WDR55: variants seen among roughly 807,000 people sequenced by gnomAD.
WDR55 encodes the protein WD repeat-containing protein 55.
WDR55 carries 31 observed loss-of-function variants against 34.0 expected under a neutral mutation model. The ratio of observed to expected loss-of-function variants is 0.91; its 90% CI spans 0.69 to 1.23. The LOEUF (loss-of-function observed/expected upper bound fraction) is 1.23. Among genes scored for constraint, WDR55 ranks in the 50% most tolerant of loss-of-function variants. The pLI is 0.00. For synonymous variants in WDR55, 164 were observed against 185.9 expected (o/e 0.88, Z 0.96); for missense variants, 440 against 494.6 (o/e 0.89, Z 1.05).
chr5:140,666,622 T>C lies in WDR55; in HGVS notation c.191+1519T>C, dbSNP rs1038305825. On this transcript the variant is annotated intron_variant, in intron 1 of 6. Coordinates refer to ENST00000358337, the MANE Select transcript of WDR55 (RefSeq NM_017706.5). ...GTAACCATATGTCCATTTGTGTAATTATTTGAATGCTGTCTCCTTCACTAA... is the reference window on the plus strand; with the variant it reads ...GTAACCATATGTCCATTTGTGTAATCATTTGAATGCTGTCTCCTTCACTAA... The C allele has an allele frequency of 3.0e-6, 3 of 985,084 alleles. No homozygotes were observed. In the African/African-American group the frequency reaches 5.2e-5, roughly 17 times the overall value. The allele number at this position is 985,084 out of a possible 1,614,324, so 61.0% of individuals were successfully genotyped here. A position where few individuals can be genotyped will look rare whatever the true frequency, so the allele number is the denominator to read the frequency against.
chr5:140,672,033 C>G lies in WDR55; in HGVS notation c.*2379C>G, dbSNP rs946575763. On this transcript the variant is annotated 3_prime_UTR_variant, in exon 7 of 7. Coordinates refer to ENST00000358337, the MANE Select transcript of WDR55 (RefSeq NM_017706.5). ...GGCTAATCTTTACTGGGAAAACTTG[C>G]TGTAAGTCAGTCAGTGTGCTAAGTA... 1.0e-5 allele frequency: 6 copies of G among 576,352 alleles called. No homozygotes were observed. The highest frequency in any genetic ancestry group is 1.9e-5 in the Non-Finnish European group (6 of 323,162). 35.7% of individuals were successfully genotyped at this position (576,352 alleles called of 1,614,324 possible). A position where few individuals can be genotyped will look rare whatever the true frequency, so the allele number is the denominator to read the frequency against.
chr5:140,672,231 T>TA lies in WDR55; in HGVS notation c.*2579dup, dbSNP rs1334266942. On this transcript the variant is annotated 3_prime_UTR_variant, in exon 7 of 7. Transcript: ENST00000358337. ...GTGGGGGTGGGGGAAGGTTGAGAAT[T>TA]AAGTCAGGAGGTAATGCTCGGGAAG... 4 of 604,428 alleles carry TA rather than the reference T, an allele frequency of 6.6e-6. No individual in the cohort carries two copies. The highest frequency in any genetic ancestry group is 1.2e-5 in the Non-Finnish European group (4 of 344,932). 37.4% of individuals were successfully genotyped at this position (604,428 alleles called of 1,614,324 possible). A position where few individuals can be genotyped will look rare whatever the true frequency, so the allele number is the denominator to read the frequency against.
rs940676482 is a variant in WDR55, at chr5:140,669,992, G to C, written c.*338G>C. On this transcript the variant is annotated 3_prime_UTR_variant, in exon 7 of 7. Coordinates refer to ENST00000358337, the MANE Select transcript of WDR55 (RefSeq NM_017706.5). ...GATCCACCTGCCTCTGCTTCCCAAA[G>C]TGCTGGGATTACAGGCACGAGCCAC... 7 of 222,418 alleles carry C rather than the reference G, an allele frequency of 3.1e-5. No individual in the cohort carries two copies. Among genetic ancestry groups the C allele is most frequent in the Non-Finnish European group, 5.4e-5 (6 of 111,362 alleles). 13.8% of individuals were successfully genotyped at this position (222,418 alleles called of 1,614,324 possible).
rs1758056244 is a variant in WDR55, at chr5:140,670,887, C to G, written c.*1233C>G. ...AAACCAGAATGCCATGTGGTGGAGG[C>G]AAAGGGCAGAATTTCTGACCCCTTT... On this transcript the variant is annotated 3_prime_UTR_variant, in exon 7 of 7. Coordinates refer to ENST00000358337, the MANE Select transcript of WDR55 (RefSeq NM_017706.5). 3.8e-6 allele frequency: 1 copy of G among 266,314 alleles called. No homozygotes were observed. The allele number at this position is 266,314 out of a possible 1,614,324, so 16.5% of individuals were successfully genotyped here. A position where few individuals can be genotyped will look rare whatever the true frequency, so the allele number is the denominator to read the frequency against.
At position 140,669,427 on chromosome 5, in the gene WDR55, T is replaced by C. The variant is rs772455183; in HGVS notation, c.925T>C (p.Phe309Leu). The C allele has an allele frequency of 2.5e-6, 4 of 1,614,110 alleles. No homozygotes were observed. Among genetic ancestry groups the C allele is most frequent in the Non-Finnish European group, 2.5e-6 (3 of 1,180,000 alleles). The change falls in exon 7 of 7, where the codon TTC becomes CTC. Residue 309 changes from phenylalanine (F) to leucine (L), a missense_variant. Phe to Leu is a conservative substitution (Grantham distance 22, BLOSUM62 0). Transcript: ENST00000358337. Reference sequence around the variant, plus strand: ...GCTGGCCCTCTCCCACTGTGGCCGCTTCCTGGCCAGTAGTGGCCATGACCA... The same window carrying C: ...GCTGGCCCTCTCCCACTGTGGCCGCCTCCTGGCCAGTAGTGGCCATGACCA... ...EELALSHCGRFLASSGHDQRL... is the reference protein window; with the variant it reads ...EELALSHCGRLLASSGHDQRL...
rs1758099634 is a variant in WDR55, at chr5:140,672,211, G to A, written c.*2557G>A. 5.1e-6 allele frequency: 3 copies of A among 591,680 alleles called. No individual in the cohort carries two copies. The highest frequency in any genetic ancestry group is 2.0e-5 in the South Asian group (1 of 48,886). 36.7% of individuals were successfully genotyped at this position (591,680 alleles called of 1,614,324 possible). On this transcript the variant is annotated 3_prime_UTR_variant, in exon 7 of 7. Coordinates refer to ENST00000358337, the MANE Select transcript of WDR55 (RefSeq NM_017706.5). ...TCCTGTGCCTATTTTGCGGTGTGGG[G>A]GTGGGGGAAGGTTGAGAATTAAGTC... is the stretch of plus-strand genomic sequence containing the variant.
chr5:140,664,910 A>T lies in WDR55; in HGVS notation c.-3A>T, dbSNP rs1202640634. On this transcript the variant is annotated 5_prime_UTR_variant, in exon 1 of 7. Transcript: ENST00000358337. ...GGCGGCGCGGCTCGCAGTCCTTCTC[A>T]GCATGGACCGCACTTGTGAGGAGAG... is the stretch of plus-strand genomic sequence containing the variant. The T allele has an allele frequency of 1.9e-6, 3 of 1,595,954 alleles. No individual in the cohort carries two copies. Among genetic ancestry groups the T allele is most frequent in the East Asian group, 2.3e-5 (1 of 43,742 alleles).
chr5:140,669,448 G>T lies in WDR55; in HGVS notation c.946G>T (p.Asp316Tyr). Residue 316 changes from aspartate to tyrosine, a missense_variant, in exon 7 of 7, where the codon GAC becomes TAC. Physicochemically the swap from Asp to Tyr is radical, Grantham distance 160. Coordinates refer to ENST00000358337, the MANE Select transcript of WDR55 (RefSeq NM_017706.5). ...CGRFLASSGH[D>Y]QRLKFWDMAQ... ...CCGCTTCCTGGCCAGTAGTGGCCAT[G>T]ACCAGCGCCTCAAGTTTTGGGACAT... The T allele has an allele frequency of 6.2e-7, 1 of 1,614,116 alleles. No homozygotes were observed. Among genetic ancestry groups the T allele is most frequent in the South Asian group, 1.1e-5 (1 of 91,044 alleles).
chr5:140,671,925 G>C lies in WDR55; in HGVS notation c.*2271G>C, dbSNP rs918891787. On this transcript the variant is annotated 3_prime_UTR_variant, in exon 7 of 7. Coordinates refer to ENST00000358337, the MANE Select transcript of WDR55 (RefSeq NM_017706.5). ...TCAGCCTCCATTATTTGCAAAGGGA[G>C]TATAACACACTGCTACCTTACAAGT... is the stretch of plus-strand genomic sequence containing the variant. 9 of 716,034 alleles carry C rather than the reference G, an allele frequency of 1.3e-5. No individual in the cohort carries two copies. The highest frequency in any genetic ancestry group is 7.1e-5 in the Admixed American group (3 of 42,254). 44.4% of individuals were successfully genotyped at this position (716,034 alleles called of 1,614,324 possible).
rs1378213786 is a variant in WDR55, at chr5:140,668,698, G to A, written c.467G>A (p.Arg156Gln). ...GGTGGTATCTGTCTCTGGGACCAGC[G>A]GAAGGAGGGCCCCTTAATGGATATG... ...DTGGICLWDQ[R>Q]KEGPLMDMRQ... is the part of the protein sequence containing the mutation. Residue 156 changes from arginine (R) to glutamine (Q), a missense_variant, in exon 4 of 7, where the codon CGG becomes CAG. Coordinates refer to ENST00000358337, the MANE Select transcript of WDR55 (RefSeq NM_017706.5). The A allele has an allele frequency of 8.7e-6, 14 of 1,614,052 alleles. No individual in the cohort carries two copies. The East Asian group carries it at 1.3e-4, about 15-fold the overall frequency.
Position 140,669,713 on chromosome 5 carries a change from T to C in WDR55, c.*59T>C. The C allele has an allele frequency of 5.4e-6, 8 of 1,489,300 alleles. No homozygotes were observed. Among genetic ancestry groups the C allele is most frequent in the Non-Finnish European group, 7.3e-6 (8 of 1,095,154 alleles). The allele number at this position is 1,489,300 out of a possible 1,614,324, so 92.3% of individuals were successfully genotyped here. On this transcript the variant is annotated 3_prime_UTR_variant, in exon 7 of 7. Transcript: ENST00000358337. Reference sequence around the variant, plus strand: ...CAGGCAAGAGTCTTGCTTATTGGGCTGCATCCCCAGAGAGGATATGAATTA... The same window carrying C: ...CAGGCAAGAGTCTTGCTTATTGGGCCGCATCCCCAGAGAGGATATGAATTA...
rs1476077188 is a variant in WDR55 at position 140,669,170 on chromosome 5, T to C, written c.752T>C (p.Leu251Pro). The C allele has an allele frequency of 6.2e-7, 1 of 1,614,034 alleles. No individual in the cohort carries two copies. Among genetic ancestry groups the C allele is most frequent in the Non-Finnish European group, 8.5e-7 (1 of 1,180,044 alleles). ...GGGGCCACAAGTGACCGCTTTGCCC[T>C]GAGAGCTGAATCTATCGACTGCATG... ...GFGATSDRFALRAESIDCMVP... is the reference protein window; with the variant it reads ...GFGATSDRFAPRAESIDCMVP... The change falls in exon 6 of 7, where the codon CTG (leucine) becomes CCG (proline). Residue 251 changes from leucine (L) to proline (P), a missense_variant. Leu to Pro is a moderately conservative substitution (Grantham distance 98). Transcript: ENST00000358337.
In WDR55 at chr5:140,671,611, G is replaced by A; in HGVS notation, c.*1957G>A. 1 of 1,573,672 alleles carries A rather than the reference G, an allele frequency of 6.4e-7. No individual in the cohort carries two copies. Among genetic ancestry groups the A allele is most frequent in the South Asian group, 1.2e-5 (1 of 86,156 alleles). ...CCCGAGCCCCTTGGAACCCTAACTT[G>A]TCCCTTGCCAAAGCCAACTGGCTGC... On this transcript the variant is annotated 3_prime_UTR_variant, in exon 7 of 7. Coordinates refer to ENST00000358337, the MANE Select transcript of WDR55 (RefSeq NM_017706.5).
At position 140,669,545 on chromosome 5, in the gene WDR55, T is replaced by C. The variant is rs1758019268; in HGVS notation, c.1043T>C (p.Leu348Pro). 1 of 1,613,986 alleles carries C rather than the reference T, an allele frequency of 6.2e-7. No homozygotes were observed. The change falls in exon 7 of 7, where the codon CTG becomes CCG. Residue 348 changes from leucine (L) to proline (P), a missense_variant. By Grantham distance (98) the Leu-to-Pro change is moderately conservative (BLOSUM62 -3). Transcript: ENST00000358337. ...AAAAAGGGAGGACCACTGCGGGCTC[T>C]GAGCAGCAAGACTTGGAGCACCGAT... ...RKKKGGPLRA[L>P]SSKTWSTDDF... is the part of the protein sequence containing the mutation.
rs1314190955 is a variant in WDR55, at chr5:140,672,213, T to C, written c.*2559T>C. The C allele has an allele frequency of 3.4e-6, 2 of 584,512 alleles. No individual in the cohort carries two copies. Among genetic ancestry groups the C allele is most frequent in the Non-Finnish European group, 6.1e-6 (2 of 330,448 alleles). 36.2% of individuals were successfully genotyped at this position (584,512 alleles called of 1,614,324 possible). On this transcript the variant is annotated 3_prime_UTR_variant, in exon 7 of 7. Transcript: ENST00000358337. ...CTGTGCCTATTTTGCGGTGTGGGGG[T>C]GGGGGAAGGTTGAGAATTAAGTCAG...
chr5:140,666,241 G>C (rs532579400), intron 1 of WDR55, among the ~76,000 whole-genome samples: 12 of 149,140 alleles, frequency 8.0e-5, no homozygotes, highest in Non-Finnish European at 1.3e-4. Flanking sequence ...ACTAAAAATA[G>C]AAAAATTAGC....
chr5:140,669,584 G>C lies in WDR55; in HGVS notation c.1082G>C (p.Gly361Ala). The change falls in exon 7 of 7, where the codon GGA becomes GCA. Residue 361 changes from glycine (G) to alanine (A), a missense_variant. By Grantham distance (60) the Gly-to-Ala change is moderately conservative. Coordinates refer to ENST00000358337, the MANE Select transcript of WDR55 (RefSeq NM_017706.5). ...TGGAGCACCGATGACTTCTTCGCAGGACTGAGGGAAGAGGGAGAAGACTCC... is the reference window on the plus strand; with the variant it reads ...TGGAGCACCGATGACTTCTTCGCAGCACTGAGGGAAGAGGGAGAAGACTCC... ...KTWSTDDFFA[G>A]LREEGEDSMA... 1 of 1,614,164 alleles carries C rather than the reference G, an allele frequency of 6.2e-7. No homozygotes were observed.
At chr5:140,665,403 G>A (rs1561985281) in intron 1 of WDR55, among the ~76,000 whole-genome samples, 1 of 152,168 alleles carries the variant, frequency 6.6e-6, no homozygotes, top group Non-Finnish European at 1.5e-5. Flanking sequence ...CTGTCGCCGA[G>A]GCTGGAGTGC....
At chr5:140,667,047 G>A (rs1227679285) in intron 1 of WDR55, 1 of 985,280 alleles carries the variant, frequency 1.0e-6, no homozygotes, top group Non-Finnish European at 1.2e-6. Context: ...TTGAAAGGGG[G>A]AATTATACCT....
Sources: gnomAD v4.1 joint callset for allele counts (sites outside exome capture counted in the v4.1 genomes callset) on GRCh38, gnomAD v4.1.1 for gene constraint, MANE v1.5 for transcripts, NCBI Gene and HGNC (gene_info 2026-07-23, HGNC 2026-07-21) for gene names.